Variants in STK39 observed in about 807,000 individuals in gnomAD.
The protein encoded by STK39 is serine/threonine kinase 39.
A neutral mutation model predicts 77.8 loss-of-function variants in STK39; 20 were observed. That is an observed-to-expected ratio of 0.26 (90% CI 0.18 to 0.37). The LOEUF is 0.37. STK39 is among the 10% of genes least tolerant of loss of function. The pLI, the probability that STK39 is intolerant of heterozygous loss-of-function variation, is 1.00. For synonymous variants in STK39, 246 were observed against 234.1 expected (o/e 1.05, Z -0.47); for missense variants, 479 against 656.5 (o/e 0.73, Z 2.95).
chr2:168,147,011 T>G (rs1688157031), intron 5 of STK39, among the ~76,000 whole-genome samples: 1 of 152,240 alleles, frequency 6.6e-6, no homozygotes, highest in Non-Finnish European at 1.5e-5. Flanking sequence ...GTCAGCCACT[T>G]AGCCCTAGTC....
At chr2:167,965,124 G>GAA (rs57613973) in intron 16 of STK39, among the ~76,000 whole-genome samples, 1,574 of 134,178 alleles carry the variant, frequency 0.012, 15 homozygotes, top group African/African-American at 0.041. Flanking sequence ...GTAGTGGGGA[G>GAA]AAAAAAAAAA....
intron 10 of STK39, among the ~76,000 whole-genome samples, chr2:168,101,389 T>G (rs1461755022): frequency 6.6e-6 from 1 of 152,188 alleles, no homozygotes; most frequent in East Asian, 1.9e-4. Flanking sequence ...ATTTGAGAGC[T>G]TACTTGGTAT....
chr2:168,131,329 T>C (rs150946158), intron 8 of STK39, among the ~76,000 whole-genome samples: 2 of 152,248 alleles, frequency 1.3e-5, no homozygotes, highest in Non-Finnish European at 2.9e-5. Context: ...TTATTGAATA[T>C]CATTAGGTAT....
At chr2:167,984,223 G>A (rs563945879) in intron 16 of STK39, among the ~76,000 whole-genome samples, 38 of 152,310 alleles carry the variant, frequency 2.5e-4, no homozygotes, top group African/African-American at 8.7e-4. Context: ...ATCTTGCCTT[G>A]CATCTCATAC....
At chr2:168,152,317 C>T (rs1418943257) in intron 5 of STK39, among the ~76,000 whole-genome samples, 1 of 152,182 alleles carries the variant, frequency 6.6e-6, no homozygotes, top group Non-Finnish European at 1.5e-5. Context: ...TTGGCTTACT[C>T]TCCTCTCTAC....
At chr2:168,149,378 C>T (rs1226213299) in intron 5 of STK39, among the ~76,000 whole-genome samples, 1 of 152,232 alleles carries the variant, frequency 6.6e-6, no homozygotes, top group African/African-American at 2.4e-5. Context: ...CTGGCAGGTG[C>T]TGCCCAATCC....
intron 10 of STK39, among the ~76,000 whole-genome samples, chr2:168,101,931 T>G (rs975266188): frequency 2.0e-5 from 3 of 152,098 alleles, no homozygotes; most frequent in African/African-American, 7.2e-5. Flanking sequence ...CATTAGCAGT[T>G]ATGCCCCAAT....
At chr2:168,030,898 T>A (rs1684817108) in intron 14 of STK39, among the ~76,000 whole-genome samples, 1 of 152,196 alleles carries the variant, frequency 6.6e-6, no homozygotes, top group Non-Finnish European at 1.5e-5. Context: ...TTAATGTATA[T>A]CAGAAGGAAA....
intron 16 of STK39, among the ~76,000 whole-genome samples, chr2:167,966,697 TAAAC>T (rs1692168743): frequency 6.6e-6 from 1 of 152,094 alleles, no homozygotes; most frequent in African/African-American, 2.4e-5. Flanking sequence ...GCCTGCATCT[TAAAC>T]AATCATCCCA....
At chr2:168,075,259 T>A (rs770325732) in intron 10 of STK39, 28 bp from the exon 11 acceptor site, 1 of 1,612,208 alleles carries the variant, frequency 6.2e-7, no homozygotes, top group African/African-American at 1.3e-5. Flanking sequence ...CACACAATTC[T>A]TCACTAGTCA....
chr2:168,100,917 T>C (rs548387688), intron 10 of STK39, among the ~76,000 whole-genome samples: 4 of 152,046 alleles, frequency 2.6e-5, no homozygotes, highest in South Asian at 4.2e-4. Flanking sequence ...TGTATGTTTA[T>C]TGTGGCACTA....
intron 1 of STK39, among the ~76,000 whole-genome samples, chr2:168,198,558 CAT>C (rs1689532363): frequency 6.6e-6 from 1 of 152,166 alleles, no homozygotes; most frequent in South Asian, 2.1e-4. Context: ...AAAAGAAATA[CAT>C]AGATTTCATT....
In STK39 at chr2:168,247,540, C is replaced by T. The variant is rs1293386041; in HGVS notation, c.-105G>A. On this transcript the variant is annotated 5_prime_UTR_variant, in exon 1 of 18. Coordinates refer to ENST00000355999, the MANE Select transcript of STK39 (RefSeq NM_013233.3). ...CACCTCTCGGCCGGCGCACGCCCTC[C>T]CCGCCCGCCGCCGCCGCCGCCGTCC... is the stretch of plus-strand genomic sequence containing the variant. 2 of 949,900 alleles carry T rather than the reference C, an allele frequency of 2.1e-6. No individual in the cohort carries two copies. The highest frequency in any genetic ancestry group is 2.6e-6 in the Non-Finnish European group (2 of 772,650). The allele number at this position is 949,900 out of a possible 1,614,324, so 58.8% of individuals were successfully genotyped here. A position where few individuals can be genotyped will look rare whatever the true frequency, so the allele number is the denominator to read the frequency against.
intron 16 of STK39, among the ~76,000 whole-genome samples, chr2:167,965,270 G>A (rs16854412): frequency 0.037 from 5,649 of 152,282 alleles, 366 homozygotes; most frequent in African/African-American, 0.13. Flanking sequence ...CAACTCAAGC[G>A]CATGTTTTAA....
At position 168,222,195 on chromosome 2, in the gene STK39, T is replaced by C. The variant is rs150840647; in HGVS notation, c.208+25033A>G. On this transcript the variant is annotated intron_variant, in intron 1 of 17. Transcript: ENST00000355999. ...AGTGTTTTCACTTGGTGTAGGAATC[T>C]CTCTCCCTGCTATAATGAACTGTGA... Among the ~76,000 whole-genome samples the C allele has an allele frequency of 1.7e-3, 266 of 152,298 alleles. 4 individuals are homozygous for C. Among genetic ancestry groups the C allele is most frequent in the African/African-American group, 6.1e-3 (252 of 41,540 alleles).
intron 5 of STK39, among the ~76,000 whole-genome samples, chr2:168,157,924 ATTTT>A (rs919215697): frequency 8.6e-5 from 13 of 151,984 alleles, no homozygotes; most frequent in Admixed American, 2.0e-4. Flanking sequence ...AGTAGCCACT[ATTTT>A]TTTTAAATCT....
At chr2:168,008,156 C>T (rs1172542185) in intron 16 of STK39, among the ~76,000 whole-genome samples, 1 of 152,134 alleles carries the variant, frequency 6.6e-6, no homozygotes, top group Non-Finnish European at 1.5e-5. Flanking sequence ...CCTTTTGCAT[C>T]TGATTTACTT....
chr2:167,995,205 G>A (rs1417099369), intron 16 of STK39, among the ~76,000 whole-genome samples: 3 of 151,942 alleles, frequency 2.0e-5, no homozygotes, highest in African/African-American at 7.3e-5. Flanking sequence ...TGCCTCCCGG[G>A]TTCAAGCGAT....
chr2:167,994,818 G>A (rs1683791305), intron 16 of STK39, among the ~76,000 whole-genome samples: 1 of 152,102 alleles, frequency 6.6e-6, no homozygotes, highest in Admixed American at 6.5e-5. Flanking sequence ...GGGCTCCCTG[G>A]AGAGAAGTCT....
Sources: allele counts gnomAD v4.1 joint callset (sites outside exome capture counted in the v4.1 genomes callset), GRCh38; gene constraint gnomAD v4.1.1; transcripts MANE v1.5; gene names NCBI Gene and HGNC (gene_info 2026-07-23, HGNC 2026-07-21).